DCAF6: variants seen among roughly 807,000 people sequenced by gnomAD.
DCAF6 encodes the protein DDB1 and CUL4 associated factor 6.
DCAF6 carries 54 observed loss-of-function variants against 125.1 expected under a neutral mutation model. That is an observed-to-expected ratio of 0.43 (90% CI 0.35 to 0.54). The LOEUF (loss-of-function observed/expected upper bound fraction) is 0.54. Ranked by LOEUF, DCAF6 falls within the 20% of genes least tolerant of loss-of-function variation. The pLI, the probability that DCAF6 is intolerant of heterozygous loss-of-function variation, is 0.01. For synonymous variants in DCAF6, 371 were observed against 390.4 expected (o/e 0.95, Z 0.58); for missense variants, 934 against 1,161.7 (o/e 0.80, Z 2.85).
At chr1:167,892,834 A>G in the DCAF6 span, among the ~76,000 whole-genome samples, 1 of 152,232 alleles carries the variant, frequency 6.6e-6, no homozygotes, top group African/African-American at 2.4e-5. Flanking sequence ...AGGAGGGTGG[A>G]TAGCCTGTGC....
chr1:167,989,618 C>G (rs1680541394), intron 5 of DCAF6, among the ~76,000 whole-genome samples: 1 of 152,282 alleles, frequency 6.6e-6, no homozygotes, highest in East Asian at 1.9e-4. Context: ...CGCGGTGGCT[C>G]ACGCCTGTAA....
intron 1 of DCAF6, among the ~76,000 whole-genome samples, chr1:167,939,823 C>G (rs1336861041): frequency 6.6e-6 from 1 of 152,136 alleles, no homozygotes; most frequent in African/African-American, 2.4e-5. Context: ...TTTTAAAAGT[C>G]AAATTCCAAG....
intron 17 of DCAF6, among the ~76,000 whole-genome samples, chr1:168,060,485 C>T (rs1003595317): frequency 3.9e-5 from 6 of 152,184 alleles, no homozygotes; most frequent in Non-Finnish European, 7.4e-5. Context: ...CGTGCCTGGC[C>T]TAGAGCATAC....
chr1:167,946,581 G>A (rs1673119913), intron 1 of DCAF6, among the ~76,000 whole-genome samples: 1 of 152,074 alleles, frequency 6.6e-6, no homozygotes, highest in Non-Finnish European at 1.5e-5. Context: ...TCTTATGAAG[G>A]GATGTTGAAT....
intron 12 of DCAF6, among the ~76,000 whole-genome samples, chr1:168,024,579 G>A (rs747670255): frequency 2.0e-5 from 3 of 152,170 alleles, no homozygotes; most frequent in Non-Finnish European, 4.4e-5. Context: ...GCCAAGGCAG[G>A]CAGATCACCT....
intron 17 of DCAF6, among the ~76,000 whole-genome samples, chr1:168,061,582 T>C (rs1408000790): frequency 1.3e-5 from 2 of 152,194 alleles, no homozygotes; most frequent in Admixed American, 6.5e-5. Flanking sequence ...GGATTTGCCA[T>C]AATTTATTTA....
At position 167,966,625 on chromosome 1, in the gene DCAF6, T is replaced by G; in HGVS notation, c.160-4T>G. The G allele has an allele frequency of 6.4e-7, 1 of 1,569,552 alleles. No homozygotes were observed. The highest frequency in any genetic ancestry group is 2.2e-5 in the East Asian group (1 of 44,536). On this transcript the variant is annotated splice_region_variant and splice_polypyrimidine_tract_variant and intron_variant, in intron 2 of 21. Coordinates refer to ENST00000367840, the MANE Select transcript of DCAF6 (RefSeq NM_001198956.2). Reference sequence around the variant, plus strand: ...CTTATATTTCTTTTTTGCTTTCTCTTTAGGTTAATACAATCTGTTGGAATG... The same window carrying G: ...CTTATATTTCTTTTTTGCTTTCTCTGTAGGTTAATACAATCTGTTGGAATG...
the DCAF6 span, among the ~76,000 whole-genome samples, chr1:167,915,938 T>G: frequency 1.6e-4 from 25 of 152,052 alleles, no homozygotes; most frequent in African/African-American, 5.8e-4. Flanking sequence ...CAGAGTTGAG[T>G]TGAAACCCAG....
chr1:167,973,162 ACTCT>A (rs1047548325), intron 3 of DCAF6, among the ~76,000 whole-genome samples: 1 of 151,968 alleles, frequency 6.6e-6, no homozygotes, highest in East Asian at 1.9e-4. Flanking sequence ...TACGTTAATT[ACTCT>A]CTCTGTTTCA....
At chr1:168,010,865 G>C (rs1226992583) in intron 10 of DCAF6, among the ~76,000 whole-genome samples, 1 of 152,018 alleles carries the variant, frequency 6.6e-6, no homozygotes, top group African/African-American at 2.4e-5. Flanking sequence ...TTATTCTCAT[G>C]TTAAGAATCT....
At chr1:167,939,513 A>G (rs998552501) in intron 1 of DCAF6, among the ~76,000 whole-genome samples, 7 of 152,216 alleles carry the variant, frequency 4.6e-5, no homozygotes, top group African/African-American at 1.7e-4. Flanking sequence ...CTGGAATCCC[A>G]GCACTTTGGG....
At chr1:167,966,107 A>G (rs1023970801) in intron 2 of DCAF6, among the ~76,000 whole-genome samples, 2 of 152,104 alleles carry the variant, frequency 1.3e-5, no homozygotes, top group Admixed American at 6.6e-5. Context: ...TCTGCAATCT[A>G]GGGGGTAGCA....
chr1:167,937,328 G>A (rs896556654), intron 1 of DCAF6: 4 of 355,394 alleles, frequency 1.1e-5, no homozygotes, highest in African/African-American at 8.7e-5. Context: ...AGGAGCTGCC[G>A]CGTTTAGAGC....
intron 2 of DCAF6, among the ~76,000 whole-genome samples, chr1:167,953,144 C>T (rs896372222): frequency 1.3e-5 from 2 of 151,860 alleles, no homozygotes; most frequent in African/African-American, 4.8e-5. Context: ...TCCATATTTT[C>T]TTTGTTTTAA....
Position 168,028,407 on chromosome 1 carries a change from T to C in DCAF6, c.1609+5360T>C, listed in dbSNP as rs555676681. Among the ~76,000 whole-genome samples the C allele has an allele frequency of 2.0e-5, 3 of 152,316 alleles. No homozygotes were observed. The South Asian group carries it at 6.2e-4, about 32-fold the overall frequency. ...GGTTTTGGCCATGATTGAAACAAGT[T>C]GCTTTCTATTCCTTACAGTGATTCC... On this transcript the variant is annotated intron_variant, in intron 12 of 21. Coordinates refer to ENST00000367840, the MANE Select transcript of DCAF6 (RefSeq NM_001198956.2).
At chr1:167,978,732 GC>G (rs1678632203) in intron 4 of DCAF6, among the ~76,000 whole-genome samples, 1 of 152,114 alleles carries the variant, frequency 6.6e-6, no homozygotes, top group Non-Finnish European at 1.5e-5. Context: ...AGGCTGGAGA[GC>G]AGTGGCATGA....
intron 12 of DCAF6, among the ~76,000 whole-genome samples, chr1:168,030,997 C>T (rs1009804944): frequency 3.3e-5 from 5 of 151,902 alleles, no homozygotes; most frequent in Admixed American, 1.3e-4. Context: ...ATCATGAACT[C>T]GGTTTTGAAT....
chr1:167,928,265 G>A, the DCAF6 span, among the ~76,000 whole-genome samples: 1 of 151,174 alleles, frequency 6.6e-6, no homozygotes, highest in South Asian at 2.1e-4. Context: ...GGAGAATGGC[G>A]TGAAGCCGGG....
Position 168,015,891 on chromosome 1 carries a change from C to T in DCAF6, c.1489C>T (p.Gln497Ter). 2 of 1,543,346 alleles carry T rather than the reference C, an allele frequency of 1.3e-6. No individual in the cohort carries two copies. The highest frequency in any genetic ancestry group is 2.4e-5 in the South Asian group (2 of 82,876). The stretch of plus-strand genomic sequence containing the variant: ...AGAGCTAGCTGCACATACCCAGCAA[C>T]AGCCTTCCACTTCTGATCAGTCTTC... The part of the protein sequence containing the change: ...QQELAAHTQQ[Q>*]PSTSDQSSHE... The change falls in exon 11 of 22, where the codon CAG (glutamine) becomes TAG (stop). Residue 497 changes from glutamine to a stop codon, truncating the protein, a stop_gained. Coordinates refer to ENST00000367840, the MANE Select transcript of DCAF6 (RefSeq NM_001198956.2). LOFTEE classifies it high-confidence loss of function.
Sources: allele counts gnomAD v4.1 joint callset (sites outside exome capture counted in the v4.1 genomes callset), GRCh38; gene constraint gnomAD v4.1.1; transcripts MANE v1.5; gene names NCBI Gene and HGNC (gene_info 2026-07-23, HGNC 2026-07-21).